The following CMSS1 variants were observed in gnomAD, a reference collection of about 807,000 sequenced individuals.
CMSS1 encodes the protein protein CMSS1.
CMSS1 carries 33 observed loss-of-function variants against 43.5 expected under a neutral mutation model. The observed-to-expected ratio is 0.76, with a 90% CI of 0.57 to 1.01. CMSS1 has a LOEUF of 1.01. Ranked by LOEUF, CMSS1 falls within the 50% of genes least tolerant of loss-of-function variation. The pLI, the probability that CMSS1 is intolerant of heterozygous loss-of-function variation, is 0.00. For missense variants in CMSS1, 313 were observed against 326.4 expected (o/e 0.96, Z 0.32); for synonymous variants, 115 against 117.2 (o/e 0.98, Z 0.12).
intron 1 of CMSS1, among the ~76,000 whole-genome samples, chr3:99,995,560 G>C (rs1709653997): frequency 6.6e-6 from 1 of 152,176 alleles, no homozygotes; most frequent in South Asian, 2.1e-4. Flanking sequence ...GGGACTCTGA[G>C]GGCTTCAGAG....
At chr3:100,141,613 C>G (rs747690849) in intron 1 of CMSS1, 2 of 452,368 alleles carry the variant, frequency 4.4e-6, no homozygotes, top group Admixed American at 4.8e-5. Flanking sequence ...ACTTCAGATA[C>G]TTATCAAAAA....
chr3:99,971,935 T>G (rs1034814500), intron 1 of CMSS1, among the ~76,000 whole-genome samples: 1 of 152,228 alleles, frequency 6.6e-6, no homozygotes, highest in Non-Finnish European at 1.5e-5. Context: ...GTTGCTGACC[T>G]AGATATATGT....
intron 1 of CMSS1, among the ~76,000 whole-genome samples, chr3:100,020,759 G>GC (rs2064797750): frequency 9.0e-6 from 1 of 111,628 alleles, no homozygotes; most frequent in African/African-American, 3.5e-5. Flanking sequence ...TGAATAATTA[G>GC]CTTTTTTTTT....
intron 1 of CMSS1, among the ~76,000 whole-genome samples, chr3:100,033,552 T>C (rs2065055459): frequency 6.6e-6 from 1 of 152,218 alleles, no homozygotes. Context: ...TTAACTTGCC[T>C]GCACCAAATC....
At chr3:99,834,616 A>G (rs1378212366) in intron 1 of CMSS1, among the ~76,000 whole-genome samples, 1 of 152,126 alleles carries the variant, frequency 6.6e-6, no homozygotes, top group Non-Finnish European at 1.5e-5. Context: ...CTTTTTATCC[A>G]TCTGTGAACT....
chr3:99,849,172 T>G, intron 1 of CMSS1: 1 of 1,614,170 alleles, frequency 6.2e-7, no homozygotes, highest in Non-Finnish European at 8.5e-7. Context: ...AGGGTCCTCG[T>G]CTTGATTCTC....
At chr3:99,966,078 G>A (rs988158749) in intron 1 of CMSS1, among the ~76,000 whole-genome samples, 2 of 152,204 alleles carry the variant, frequency 1.3e-5, no homozygotes, top group East Asian at 3.8e-4. Flanking sequence ...CAACAGTGTT[G>A]TAACACAGAA....
chr3:100,065,634 C>A (rs1336806820), intron 1 of CMSS1, among the ~76,000 whole-genome samples: 1 of 152,172 alleles, frequency 6.6e-6, no homozygotes, highest in African/African-American at 2.4e-5. Flanking sequence ...TTTACCACTG[C>A]CATAGTGCCC....
At chr3:99,946,594 A>T (rs181008388) in intron 1 of CMSS1, among the ~76,000 whole-genome samples, 14 of 152,306 alleles carry the variant, frequency 9.2e-5, no homozygotes, top group Admixed American at 8.5e-4. Flanking sequence ...AAAGCAAATG[A>T]TGCCATTTTT....
At chr3:100,018,680 A>G (rs74821406) in intron 1 of CMSS1, among the ~76,000 whole-genome samples, 1,769 of 152,140 alleles carry the variant, frequency 0.012, 22 homozygotes, top group African/African-American at 0.026. Context: ...AGCACAGGCA[A>G]CTAAAGCAAG....
At chr3:100,094,298 GT>G (rs574393892) in intron 1 of CMSS1, among the ~76,000 whole-genome samples, 180 of 152,172 alleles carry the variant, frequency 1.2e-3, no homozygotes, top group African/African-American at 3.8e-3. Context: ...TTATTGTTAA[GT>G]TTTAAGAGTT....
rs118185811 is a variant in CMSS1, at chr3:100,053,990, C to G, written c.65-92983C>G. Among the ~76,000 whole-genome samples, 6 of 152,326 alleles carry G rather than the reference C, an allele frequency of 3.9e-5. No individual in the cohort carries two copies. In the South Asian group the frequency reaches 8.3e-4, roughly 21 times the overall value. Reference sequence around the variant, plus strand: ...ATTCTATACTTTGTTCTTTGTATATCTGGACATTCGGCTTACTTAAAAGTA... The same window carrying G: ...ATTCTATACTTTGTTCTTTGTATATGTGGACATTCGGCTTACTTAAAAGTA... On this transcript the variant is annotated intron_variant, in intron 1 of 9. Transcript: ENST00000421999.
Position 100,000,699 on chromosome 3 carries a change from C to T in CMSS1, c.65-146274C>T, listed in dbSNP as rs560467313. Reference sequence around the variant, plus strand: ...TATTGCACTCCAACCTGGGCGATAGCGCAAGACTCTGTCTCTTAAAAAAAT... The same window carrying T: ...TATTGCACTCCAACCTGGGCGATAGTGCAAGACTCTGTCTCTTAAAAAAAT... On this transcript the variant is annotated intron_variant, in intron 1 of 9. Coordinates refer to ENST00000421999, the MANE Select transcript of CMSS1 (RefSeq NM_032359.4). Among the ~76,000 whole-genome samples, 106 of 152,288 alleles carry T rather than the reference C, an allele frequency of 7.0e-4. 1 individual carries two copies. The highest frequency in any genetic ancestry group is 6.8e-3 in the Middle Eastern group (2 of 294).
At chr3:99,927,163 CT>C (rs1416392904) in intron 1 of CMSS1, among the ~76,000 whole-genome samples, 4 of 152,172 alleles carry the variant, frequency 2.6e-5, no homozygotes, top group Non-Finnish European at 5.9e-5. Context: ...ACCTGGAAAT[CT>C]TTTTTCCTCT....
intron 1 of CMSS1, among the ~76,000 whole-genome samples, chr3:99,973,559 T>G (rs927074231): frequency 3.3e-5 from 5 of 152,228 alleles, no homozygotes; most frequent in African/African-American, 1.2e-4. Flanking sequence ...TAATGTTGCT[T>G]TATTTCATGA....
chr3:100,119,156 C>G (rs548599667), intron 1 of CMSS1, among the ~76,000 whole-genome samples: 1 of 152,238 alleles, frequency 6.6e-6, no homozygotes. Context: ...CTAGATTTTA[C>G]AATTATTACT....
chr3:99,845,781 A>G (rs192091170), intron 1 of CMSS1, among the ~76,000 whole-genome samples: 24 of 152,312 alleles, frequency 1.6e-4, no homozygotes, highest in Non-Finnish European at 3.1e-4. Flanking sequence ...ACTTGTAATA[A>G]TCTACACGTT....
At chr3:100,101,817 G>A (rs150759631) in intron 1 of CMSS1, among the ~76,000 whole-genome samples, 15 of 152,022 alleles carry the variant, frequency 9.9e-5, no homozygotes, top group African/African-American at 3.4e-4. Context: ...TCCCCTTCCT[G>A]TGTCCATGTG....
At chr3:99,882,878 T>C (rs1559674900) in intron 1 of CMSS1, among the ~76,000 whole-genome samples, 1 of 152,216 alleles carries the variant, frequency 6.6e-6, no homozygotes, top group African/African-American at 2.4e-5. Flanking sequence ...AAATTGGAGA[T>C]TTATAGATTG....
Sources: allele counts gnomAD v4.1 joint callset (sites outside exome capture counted in the v4.1 genomes callset), GRCh38; gene constraint gnomAD v4.1.1; transcripts MANE v1.5; gene names NCBI Gene and HGNC (gene_info 2026-07-23, HGNC 2026-07-21).